Variants in FLOT2 observed in about 807,000 individuals in gnomAD.
FLOT2 encodes the protein flotillin-2.
In FLOT2, 35 loss-of-function variants were observed where a neutral mutation model predicts 54.9. The observed-to-expected ratio is 0.64, with a 90% CI of 0.49 to 0.84. FLOT2 has a LOEUF of 0.84. Ranked by LOEUF, FLOT2 falls within the 40% of genes least tolerant of loss-of-function variation. The probability of loss-of-function intolerance (pLI) is 0.00; values close to 1 mark genes in which losing one functional copy is unlikely to be tolerated. For synonymous variants in FLOT2, 207 were observed against 228.9 expected, an observed-to-expected ratio of 0.90 and a Z score of 0.86; for missense variants, 464 against 572.1, an observed-to-expected ratio of 0.81 and a Z score of 1.93.
chr17:28,882,294 T>C lies in FLOT2; in HGVS notation c.579+43A>G, dbSNP rs1372636423. ...AGTGAGTAGAGGTCCTGAGTCATCA[T>C]GGTCCCATCACCCCTGAGCTTCCCA... On this transcript the variant is annotated intron_variant, in intron 6 of 10. Transcript: ENST00000394908. The surrounding 1 kb of genome is among the most constrained non-coding windows in gnomAD (Gnocchi z 5.6). The C allele has an allele frequency of 5.6e-6, 9 of 1,613,902 alleles. No homozygotes were observed. Among genetic ancestry groups the C allele is most frequent in the Non-Finnish European group, 6.8e-6 (8 of 1,179,978 alleles).
chr17:28,885,644 G>C, intron 2 of FLOT2: 1 of 717,548 alleles, frequency 1.4e-6, no homozygotes, highest in Non-Finnish European at 2.6e-6. Flanking sequence ...AGAATCCCTT[G>C]CTGTTTCCCC....
At position 28,882,857 on chromosome 17, in the gene FLOT2, A is replaced by G. The variant is rs2039479564; in HGVS notation, c.347-166T>C. ...CTTAACACCGAGCTTCCTGCTGCAC[A>G]GTCCAGGCTGAATGAGGAAAAGTGT... On this transcript the variant is annotated intron_variant, in intron 4 of 10. Transcript: ENST00000394908. The surrounding 1 kb of genome is among the most constrained non-coding windows in gnomAD (Gnocchi z 5.6). The G allele has an allele frequency of 1.5e-6, 1 of 647,466 alleles. No individual in the cohort carries two copies. Among genetic ancestry groups the G allele is most frequent in the African/African-American group, 1.8e-5 (1 of 55,066 alleles). The allele number at this position is 647,466 out of a possible 1,614,324, so 40.1% of individuals were successfully genotyped here.
chr17:28,891,106 C>G (rs1485578656), intron 1 of FLOT2, among the ~76,000 whole-genome samples: 1 of 152,114 alleles, frequency 6.6e-6, no homozygotes, highest in Non-Finnish European at 1.5e-5. Flanking sequence ...TTCTCGAATT[C>G]CTGGGCTCAA....
chr17:28,881,748 G>C (rs2039451809), intron 8 of FLOT2, 66 bp downstream of exon 8: 1 of 1,411,606 alleles, frequency 7.1e-7, no homozygotes. Flanking sequence ...CAGGAGAGTA[G>C]AGGGAGTGCA....
chr17:28,897,434 G>C lies in FLOT2; in HGVS notation c.49+92C>G, dbSNP rs2039761977. On this transcript the variant is annotated intron_variant, in intron 1 of 10. Transcript: ENST00000394908. The surrounding 1 kb of genome is among the most constrained non-coding windows in gnomAD (Gnocchi z 4.4). Reference sequence around the variant, plus strand: ...GGCCAGCGCCCTGCGCCGCGCGGTGGACTCAGGCCCAGCTCTTCCCCGTGC... The same window carrying C: ...GGCCAGCGCCCTGCGCCGCGCGGTGCACTCAGGCCCAGCTCTTCCCCGTGC... The C allele has an allele frequency of 2.4e-6, 3 of 1,260,986 alleles. No homozygotes were observed. The highest frequency in any genetic ancestry group is 2.0e-4 in the Middle Eastern group (1 of 4,908). 78.1% of individuals were successfully genotyped at this position (1,260,986 alleles called of 1,614,324 possible).
intron 2 of FLOT2, chr17:28,885,540 C>A (rs1447561619): frequency 5.6e-6 from 4 of 714,744 alleles, no homozygotes; most frequent in Non-Finnish European, 1.0e-5. Flanking sequence ...CTAATTAACA[C>A]CCAAGCCCAA....
intron 2 of FLOT2, 135 bp downstream of exon 2, chr17:28,888,810 A>ACCC: frequency 3.7e-6 from 1 of 273,026 alleles, no homozygotes; most frequent in Non-Finnish European, 7.6e-6. Flanking sequence ...CCCCAACCCC[A>ACCC]CCCCTCCACC....
chr17:28,897,674 C>A lies in FLOT2; in HGVS notation c.-100G>T. 1 of 1,095,982 alleles carries A rather than the reference C, an allele frequency of 9.1e-7. No individual in the cohort carries two copies. The highest frequency in any genetic ancestry group is 1.6e-5 in the African/African-American group (1 of 60,894). The allele number at this position is 1,095,982 out of a possible 1,614,324, so 67.9% of individuals were successfully genotyped here. A position where few individuals can be genotyped will look rare whatever the true frequency, so the allele number is the denominator to read the frequency against. ...GCCCAGCCTATCCCGCCACCCCCAG[C>A]GGCCGGCCGCCCGCTCGCTCGCCCG... is the stretch of plus-strand genomic sequence containing the variant. On this transcript the variant is annotated 5_prime_UTR_variant, in exon 1 of 11. Transcript: ENST00000394908. This position sits in a 1 kb window ranked among gnomAD's most constrained non-coding sequence, Gnocchi z 4.4.
Position 28,883,108 on chromosome 17 carries a change from C to G in FLOT2, c.346G>C (p.Gly116Arg). Residue 116 changes from glycine (G) to arginine (R), a missense_variant and splice_region_variant, in exon 4 of 11, where the codon GGG (glycine) becomes CGG (arginine). Physicochemically the swap from Gly to Arg is moderately radical, Grantham distance 125. Coordinates refer to ENST00000394908, the MANE Select transcript of FLOT2 (RefSeq NM_004475.3). This position sits in a 1 kb window ranked among gnomAD's most constrained non-coding sequence, Gnocchi z 5.0. ...CCTCAAAGGCTGAACAGGGCCTCAC[C>G]GAGGATGGAGCGCAGATGTCCCTCC... Reference protein sequence around the residue: ...TLEGHLRSILGTLTVEQIYQD... With the variant: ...TLEGHLRSILRTLTVEQIYQD... 4 of 1,614,034 alleles carry G rather than the reference C, an allele frequency of 2.5e-6. No homozygotes were observed. Among genetic ancestry groups the G allele is most frequent in the Non-Finnish European group, 3.4e-6 (4 of 1,179,966 alleles).
At chr17:28,885,577 A>G in intron 2 of FLOT2, 2 of 717,460 alleles carry the variant, frequency 2.8e-6, no homozygotes, top group Middle Eastern at 2.3e-4. Context: ...CTATGGCTGC[A>G]TGGTAACGAA....
chr17:28,880,611 G>A lies in FLOT2; in HGVS notation c.1249-12C>T. The A allele has an allele frequency of 1.2e-6, 2 of 1,614,098 alleles. No homozygotes were observed. Among genetic ancestry groups the A allele is most frequent in the Non-Finnish European group, 1.7e-6 (2 of 1,179,994 alleles). ...TTGATCAGGGGTATCTGCAAGGATGGGAGATGCCATGAGACCTTGGCTCCA... is the reference window on the plus strand; with the variant it reads ...TTGATCAGGGGTATCTGCAAGGATGAGAGATGCCATGAGACCTTGGCTCCA... On this transcript the variant is annotated splice_polypyrimidine_tract_variant and intron_variant, in intron 10 of 10. Transcript: ENST00000394908.
chr17:28,886,146 C>A, intron 2 of FLOT2: 1 of 617,262 alleles, frequency 1.6e-6, no homozygotes, highest in Non-Finnish European at 2.9e-6. Flanking sequence ...TGTGCTGATC[C>A]GAGGCCTCTG....
rs1345885388 is a variant in FLOT2 at position 28,897,043 on chromosome 17, G to A, written c.49+483C>T. ...GGTAATCCCCAACAAGCCCCAGCCT[G>A]CTTGGAATTAACGGGTCTGACTGTG... On this transcript the variant is annotated intron_variant, in intron 1 of 10. Coordinates refer to ENST00000394908, the MANE Select transcript of FLOT2 (RefSeq NM_004475.3). This position sits in a 1 kb window ranked among gnomAD's most constrained non-coding sequence, Gnocchi z 4.4. Among the ~76,000 whole-genome samples the A allele has an allele frequency of 6.6e-6, 1 of 152,232 alleles. No homozygotes were observed. Among genetic ancestry groups the A allele is most frequent in the Non-Finnish European group, 1.5e-5 (1 of 68,032 alleles).
chr17:28,879,809 G>A lies in FLOT2; in HGVS notation c.*752C>T, dbSNP rs1367764660. Reference sequence around the variant, plus strand: ...AGCAGAGTTGGGACCAAACCGCACCGCCCCAGCAGGAACATGCCCATGAAG... The same window carrying A: ...AGCAGAGTTGGGACCAAACCGCACCACCCCAGCAGGAACATGCCCATGAAG... On this transcript the variant is annotated 3_prime_UTR_variant, in exon 11 of 11. Transcript: ENST00000394908. 1.3e-5 allele frequency: 13 copies of A among 985,904 alleles called. No homozygotes were observed. Among genetic ancestry groups the A allele is most frequent in the South Asian group, 4.7e-5 (1 of 21,300 alleles). 61.1% of individuals were successfully genotyped at this position (985,904 alleles called of 1,614,324 possible). A position where few individuals can be genotyped will look rare whatever the true frequency, so the allele number is the denominator to read the frequency against.
chr17:28,897,611 G>A lies in FLOT2; in HGVS notation c.-37C>T. On this transcript the variant is annotated 5_prime_UTR_variant, in exon 1 of 11. Transcript: ENST00000394908. The surrounding 1 kb of genome is among the most constrained non-coding windows in gnomAD (Gnocchi z 4.4). ...CACGGAGGGCCCTCGGGACCGCACA[G>A]ACCCGGACAACAGCAGCGGGTCTGC... 6.6e-7 allele frequency: 1 copy of A among 1,525,992 alleles called. No individual in the cohort carries two copies. Among genetic ancestry groups the A allele is most frequent in the Non-Finnish European group, 8.8e-7 (1 of 1,136,698 alleles). The allele number at this position is 1,525,992 out of a possible 1,614,324, so 94.5% of individuals were successfully genotyped here.
rs2039605768 is a variant in FLOT2, at chr17:28,889,367, T to C, written c.50-341A>G. ...TTTTTTCAGACAGAATGTCACTCTGTTGCCCAGGCTAGACTACAGTGGCGC... is the reference window on the plus strand; with the variant it reads ...TTTTTTCAGACAGAATGTCACTCTGCTGCCCAGGCTAGACTACAGTGGCGC... On this transcript the variant is annotated intron_variant, in intron 1 of 10. Transcript: ENST00000394908. Among the ~76,000 whole-genome samples the C allele has an allele frequency of 3.3e-5, 5 of 152,246 alleles. No individual in the cohort carries two copies. In the South Asian group the frequency reaches 1.0e-3, roughly 32 times the overall value.
chr17:28,891,756 G>C (rs886893045), intron 1 of FLOT2, among the ~76,000 whole-genome samples: 4 of 152,188 alleles, frequency 2.6e-5, no homozygotes, highest in Admixed American at 6.5e-5. Context: ...TTGGGTGGGT[G>C]TTGAGGACAA....
At position 28,884,349 on chromosome 17, in the gene FLOT2, G is replaced by T. The variant is rs141542425; in HGVS notation, c.132-34C>A. 1.8e-4 allele frequency: 251 copies of T among 1,408,406 alleles called. No individual in the cohort carries two copies. The East Asian group carries it at 5.7e-3, about 32-fold the overall frequency. The allele number at this position is 1,408,406 out of a possible 1,614,324, so 87.2% of individuals were successfully genotyped here. A position where few individuals can be genotyped will look rare whatever the true frequency, so the allele number is the denominator to read the frequency against. On this transcript the variant is annotated intron_variant, in intron 2 of 10. Transcript: ENST00000394908. The surrounding 1 kb of genome is among the most constrained non-coding windows in gnomAD (Gnocchi z 5.1). ...AAACGCAAAACAGGGGCATGGGTCT[G>T]GGGGCGCAGGGCCTGGTGGTGTTGG...
Position 28,883,372 on chromosome 17 carries a change from C to T in FLOT2, c.223-141G>A. 1 of 1,011,140 alleles carries T rather than the reference C, an allele frequency of 9.9e-7. No individual in the cohort carries two copies. The highest frequency in any genetic ancestry group is 1.5e-6 in the Non-Finnish European group (1 of 678,336). The allele number at this position is 1,011,140 out of a possible 1,614,324, so 62.6% of individuals were successfully genotyped here. A position where few individuals can be genotyped will look rare whatever the true frequency, so the allele number is the denominator to read the frequency against. ...GAGGCCCTGGGGGGCTGGAATCTGT[C>T]TGAAGCCTCTAGTGGGGAGACAGCA... On this transcript the variant is annotated intron_variant, in intron 3 of 10. Coordinates refer to ENST00000394908, the MANE Select transcript of FLOT2 (RefSeq NM_004475.3). The surrounding 1 kb of genome is among the most constrained non-coding windows in gnomAD (Gnocchi z 5.0).
Sources: allele counts gnomAD v4.1 joint callset (sites outside exome capture counted in the v4.1 genomes callset), GRCh38; gene constraint gnomAD v4.1.1; non-coding constraint Gnocchi (gnomAD v3.1); transcripts MANE v1.5; gene names NCBI Gene and HGNC (gene_info 2026-07-23, HGNC 2026-07-21).